The following LARP4B variants were observed in gnomAD, a reference collection of about 807,000 sequenced individuals.
The protein encoded by LARP4B is la-related protein 4B.
Under a neutral mutation model 89.8 loss-of-function variants are expected in LARP4B, and 12 were observed. The ratio of observed to expected loss-of-function variants is 0.13; its 90% confidence interval spans 0.09 to 0.22. LARP4B has a LOEUF of 0.22. LARP4B is among the 10% of genes least tolerant of loss of function. The pLI is 1.00. For synonymous variants in LARP4B, 367 were observed against 363.3 expected (o/e 1.01, Z -0.12); for missense variants, 757 against 947.7 (o/e 0.80, Z 2.64).
At chr10:947,071 T>C in the LARP4B span, among the ~76,000 whole-genome samples, 1 of 152,200 alleles carries the variant, frequency 6.6e-6, no homozygotes, top group Non-Finnish European at 1.5e-5. Flanking sequence ...GTTTTCACCA[T>C]GTTGATCATG....
intron 1 of LARP4B, among the ~76,000 whole-genome samples, chr10:886,360 G>A (rs936842482): frequency 3.3e-5 from 5 of 152,114 alleles, no homozygotes; most frequent in African/African-American, 4.8e-5. Flanking sequence ...ACTGTTGGTG[G>A]GAATGTAAAT....
chr10:963,206 C>T, the LARP4B span, among the ~76,000 whole-genome samples: 1 of 152,280 alleles, frequency 6.6e-6, no homozygotes, highest in African/African-American at 2.4e-5. Flanking sequence ...TATTTTTAAC[C>T]ATATGTTTAA....
At chr10:833,811 C>T (rs1323804234) in intron 8 of LARP4B, among the ~76,000 whole-genome samples, 1 of 151,504 alleles carries the variant, frequency 6.6e-6, no homozygotes, top group African/African-American at 2.4e-5. Flanking sequence ...ACCACTTGAA[C>T]CCGGGAGGCA....
At chr10:853,776 T>C (rs1485093988) in intron 5 of LARP4B, among the ~76,000 whole-genome samples, 1 of 152,232 alleles carries the variant, frequency 6.6e-6, no homozygotes, top group Non-Finnish European at 1.5e-5. Context: ...GGTCCTGCCT[T>C]GATGATGAGG....
chr10:866,664 G>A (rs552681328), intron 3 of LARP4B, among the ~76,000 whole-genome samples: 1 of 152,174 alleles, frequency 6.6e-6, no homozygotes, highest in East Asian at 1.9e-4. Flanking sequence ...ACACAATCCA[G>A]TTTTCCAGCC....
intron 1 of LARP4B, among the ~76,000 whole-genome samples, chr10:918,984 G>C (rs1588990210): frequency 6.6e-6 from 1 of 152,114 alleles, no homozygotes; most frequent in African/African-American, 2.4e-5. Flanking sequence ...GGGAGGCTGA[G>C]GCAGGAGAAT....
At position 860,713 on chromosome 10, in the gene LARP4B, C is replaced by T. The variant is rs181027301; in HGVS notation, c.430+3030G>A. 2.0e-5 allele frequency among the ~76,000 whole-genome samples: 3 copies of T among 152,240 alleles called. No homozygotes were observed. The East Asian group carries it at 5.8e-4, about 29-fold the overall frequency. ...CTCAAAAATAGTAACCTAAGTCAGA[C>T]AAAAACAGTACACACTGTCAAATTC... On this transcript the variant is annotated intron_variant, in intron 5 of 17. Coordinates refer to ENST00000316157, the MANE Select transcript of LARP4B (RefSeq NM_015155.3).
intron 3 of LARP4B, among the ~76,000 whole-genome samples, chr10:865,424 G>C (rs978116919): frequency 6.6e-6 from 1 of 152,156 alleles, no homozygotes; most frequent in Non-Finnish European, 1.5e-5. Context: ...GGCTCATTTG[G>C]AGTAAAAGAC....
chr10:867,615 T>C (rs749760619), intron 3 of LARP4B, among the ~76,000 whole-genome samples: 12 of 152,030 alleles, frequency 7.9e-5, no homozygotes, highest in Non-Finnish European at 1.5e-4. Flanking sequence ...GATCCCAGCA[T>C]GTTGGGAGGC....
At chr10:868,750 A>G (rs1835041954) in intron 3 of LARP4B, among the ~76,000 whole-genome samples, 1 of 152,252 alleles carries the variant, frequency 6.6e-6, no homozygotes, top group South Asian at 2.1e-4. Flanking sequence ...CACGGAAATA[A>G]AAGAGGTTGA....
the LARP4B span, among the ~76,000 whole-genome samples, chr10:979,414 C>T: frequency 6.6e-6 from 1 of 152,178 alleles, no homozygotes; most frequent in African/African-American, 2.4e-5. Context: ...AAGGGAGGCC[C>T]CAGCAGAATT....
At chr10:854,935 C>T (rs1834228829) in intron 5 of LARP4B, among the ~76,000 whole-genome samples, 1 of 152,200 alleles carries the variant, frequency 6.6e-6, no homozygotes, top group African/African-American at 2.4e-5. Context: ...CATCAATTAT[C>T]TTACCCAGAT....
rs191238834 is a variant in LARP4B at position 887,073 on chromosome 10, G to C, written c.-39-1313C>G. Among the ~76,000 whole-genome samples, 946 of 151,048 alleles carry C rather than the reference G, an allele frequency of 6.3e-3. 2 individuals are homozygous for C. Among genetic ancestry groups the C allele is most frequent in the Admixed American group, 9.9e-3 (149 of 15,084 alleles). On this transcript the variant is annotated intron_variant, in intron 1 of 17. Transcript: ENST00000316157. ...TTGCACTCCAGACTGGGCAACAAGA[G>C]TGAAACTCCACCTCACTCACACACA... is the stretch of plus-strand genomic sequence containing the variant.
chr10:808,751 G>GCGCACACA (rs71376870), downstream of LARP4B: 2 of 94,606 alleles, frequency 2.1e-5, no homozygotes, highest in Non-Finnish European at 4.8e-5. Flanking sequence ...GCGTGTGCAC[G>GCGCACACA]CACACACACA....
Position 930,616 on chromosome 10 carries a change from G to A in LARP4B, c.-40+812C>T, listed in dbSNP as rs1837272477. Among the ~76,000 whole-genome samples, 3 of 152,334 alleles carry A rather than the reference G, an allele frequency of 2.0e-5. No individual in the cohort carries two copies. In the South Asian group the frequency reaches 6.2e-4, roughly 32 times the overall value. ...CTCTTCACGTTCCCAAGCGCACCCT[G>A]AGAGGCAGGTGCAGCAGCTTTCCGA... On this transcript the variant is annotated intron_variant, in intron 1 of 17. Transcript: ENST00000316157.
At chr10:843,905 A>G (rs985492069) in intron 6 of LARP4B, among the ~76,000 whole-genome samples, 3 of 152,168 alleles carry the variant, frequency 2.0e-5, no homozygotes, top group Non-Finnish European at 4.4e-5. Flanking sequence ...ACAAAATCCA[A>G]AGGTGAGCCA....
Position 812,877 on chromosome 10 carries a change from C to G in LARP4B, c.*49G>C. The G allele has an allele frequency of 1.3e-6, 2 of 1,484,820 alleles. No individual in the cohort carries two copies. The highest frequency in any genetic ancestry group is 2.8e-5 in the South Asian group (2 of 71,070). The allele number at this position is 1,484,820 out of a possible 1,614,324, so 92.0% of individuals were successfully genotyped here. On this transcript the variant is annotated 3_prime_UTR_variant, in exon 18 of 18. Transcript: ENST00000316157. Reference sequence around the variant, plus strand: ...CCTCGCACTGAGTGGGAGAGTGTCTCGTTTGTGGTTAACACAGCGCTCTGC... The same window carrying G: ...CCTCGCACTGAGTGGGAGAGTGTCTGGTTTGTGGTTAACACAGCGCTCTGC...
chr10:830,841 A>G, intron 9 of LARP4B, 26 bp downstream of exon 9: 2 of 984,102 alleles, frequency 2.0e-6, no homozygotes, highest in South Asian at 2.7e-5. Context: ...TATGCAATTC[A>G]TAGGGTGATG....
At chr10:859,381 G>A (rs1193131250) in intron 5 of LARP4B, among the ~76,000 whole-genome samples, 2 of 152,006 alleles carry the variant, frequency 1.3e-5, no homozygotes, top group Non-Finnish European at 2.9e-5. Context: ...GGCCTGTATG[G>A]AAAACTGTAT....
Sources: allele counts gnomAD v4.1 joint callset (sites outside exome capture counted in the v4.1 genomes callset), GRCh38; gene constraint gnomAD v4.1.1; transcripts MANE v1.5; gene names NCBI Gene and HGNC (gene_info 2026-07-23, HGNC 2026-07-21).